The following ENTHD1 variants were observed in gnomAD, a reference collection of about 807,000 sequenced individuals.
ENTHD1 encodes the protein ENTH domain-containing protein 1.
In ENTHD1, 23 loss-of-function variants were observed where a neutral mutation model predicts 39.1. That is an observed-to-expected ratio of 0.59 (90% CI 0.42 to 0.83). The LOEUF is 0.83. ENTHD1 is among the 40% of genes least tolerant of loss of function. The pLI is 0.00. For missense variants in ENTHD1, 624 were observed against 705.4 expected (o/e 0.88, Z 1.31); for synonymous variants, 230 against 258.2 (o/e 0.89, Z 1.05).
chr22:39,805,376 A>G (rs961040939), intron 5 of ENTHD1, among the ~76,000 whole-genome samples: 18 of 152,140 alleles, frequency 1.2e-4, no homozygotes, highest in Admixed American at 1.0e-3. Flanking sequence ...ACTATGTGAG[A>G]TGTGTGAGAG....
At chr22:39,829,647 C>T (rs921493607) in intron 4 of ENTHD1, among the ~76,000 whole-genome samples, 5 of 151,726 alleles carry the variant, frequency 3.3e-5, no homozygotes, top group African/African-American at 4.8e-5. Context: ...AAAAATTAGC[C>T]GGGCATGGTG....
At chr22:39,793,174 CTGA>C (rs1010150411) in intron 5 of ENTHD1, among the ~76,000 whole-genome samples, 10 of 152,006 alleles carry the variant, frequency 6.6e-5, no homozygotes, top group Admixed American at 2.6e-4. Flanking sequence ...TTGCATTTCC[CTGA>C]TGACAATGAT....
chr22:39,844,924 G>T (rs2065974748), intron 3 of ENTHD1, among the ~76,000 whole-genome samples: 2 of 152,086 alleles, frequency 1.3e-5, no homozygotes, highest in South Asian at 4.2e-4. Context: ...AAGCTTGAAG[G>T]CATCTCTCCC....
intron 5 of ENTHD1, among the ~76,000 whole-genome samples, chr22:39,811,146 T>C (rs1157669907): frequency 6.6e-6 from 1 of 152,244 alleles, no homozygotes; most frequent in Non-Finnish European, 1.5e-5. Context: ...CTGGAGCATG[T>C]CAGGATATCC....
chr22:39,777,301 G>T (rs1306646930), intron 5 of ENTHD1, among the ~76,000 whole-genome samples: 1 of 152,120 alleles, frequency 6.6e-6, no homozygotes, highest in East Asian at 1.9e-4. Flanking sequence ...TAACATGCTT[G>T]ACATGAAAAT....
chr22:39,802,807 C>G (rs2065609421), intron 5 of ENTHD1, among the ~76,000 whole-genome samples: 1 of 152,222 alleles, frequency 6.6e-6, no homozygotes, highest in Admixed American at 6.5e-5. Flanking sequence ...CCATCACACA[C>G]TCACTTCTCA....
intron 2 of ENTHD1, among the ~76,000 whole-genome samples, chr22:39,866,269 C>T (rs1014977380): frequency 6.6e-6 from 1 of 152,058 alleles, no homozygotes; most frequent in Non-Finnish European, 1.5e-5. Flanking sequence ...AGATCAAGGC[C>T]CAAGGACATT....
intron 2 of ENTHD1, among the ~76,000 whole-genome samples, chr22:39,878,907 CA>C (rs1195044924): frequency 6.6e-6 from 1 of 151,746 alleles, no homozygotes; most frequent in Non-Finnish European, 1.5e-5. Flanking sequence ...AAGAAGAAAT[CA>C]GAATTATTTT....
chr22:39,823,170 A>G (rs183273398), intron 4 of ENTHD1, among the ~76,000 whole-genome samples: 2 of 152,290 alleles, frequency 1.3e-5, no homozygotes, highest in East Asian at 3.9e-4. Context: ...CATAATTCCT[A>G]GAGATTCATC....
chr22:39,841,285 G>T (rs1276056083), intron 3 of ENTHD1, among the ~76,000 whole-genome samples: 1 of 152,078 alleles, frequency 6.6e-6, no homozygotes, highest in East Asian at 1.9e-4. Flanking sequence ...ATTGTAGGTT[G>T]GGTTCCCTAG....
chr22:39,778,967 T>C (rs779761021), intron 5 of ENTHD1, among the ~76,000 whole-genome samples: 6 of 152,252 alleles, frequency 3.9e-5, no homozygotes, highest in Middle Eastern at 6.8e-3. Flanking sequence ...TAACTACAGA[T>C]ATACTTAATG....
At chr22:39,796,458 T>C (rs2065550609) in intron 5 of ENTHD1, among the ~76,000 whole-genome samples, 1 of 151,846 alleles carries the variant, frequency 6.6e-6, no homozygotes, top group Non-Finnish European at 1.5e-5. Context: ...ATGGTGGAGG[T>C]GGGGTCTCAC....
chr22:39,820,985 C>A lies in ENTHD1; in HGVS notation c.832+8G>T, dbSNP rs374855607. ...ATAAGTAAACTTCCTATTCCTTAAC[C>A]AATTTACCTGCACCCGAAAGATTAC... On this transcript the variant is annotated splice_region_variant and intron_variant, in intron 5 of 6. Coordinates refer to ENST00000325157, the MANE Select transcript of ENTHD1 (RefSeq NM_152512.4). 6.8e-6 allele frequency: 11 copies of A among 1,613,594 alleles called. No individual in the cohort carries two copies. The African/African-American group carries it at 1.5e-4, about 22-fold the overall frequency.
Position 39,744,274 on chromosome 22 carries a change from G to A in ENTHD1, c.1229C>T (p.Ala410Val). 6.3e-7 allele frequency: 1 copy of A among 1,593,842 alleles called. No individual in the cohort carries two copies. The highest frequency in any genetic ancestry group is 8.5e-7 in the Non-Finnish European group (1 of 1,172,200). The change falls in exon 7 of 7, where the codon GCT (alanine) becomes GTT (valine). Residue 410 changes from alanine to valine, a missense_variant. Transcript: ENST00000325157. ...ILKTTTRVST[A>V]SEGASSFSPL... ...AGAAAAGGAAGATGCTCCCTCAGAA[G>A]CAGTTGAAACTAAAATGTGTAAATG...
intron 3 of ENTHD1, among the ~76,000 whole-genome samples, chr22:39,855,225 T>C (rs2066075296): frequency 1.3e-5 from 2 of 152,214 alleles, no homozygotes; most frequent in African/African-American, 4.8e-5. Context: ...AAGCTAAACA[T>C]TCCTTCTGTT....
intron 6 of ENTHD1, among the ~76,000 whole-genome samples, chr22:39,748,047 G>A (rs533053950): frequency 2.2e-4 from 34 of 152,200 alleles, no homozygotes; most frequent in African/African-American, 7.5e-4. Flanking sequence ...CCAGGAATTT[G>A]AGAACAGCCT....
intron 5 of ENTHD1, among the ~76,000 whole-genome samples, chr22:39,788,044 G>A (rs1601594370): frequency 6.6e-6 from 1 of 152,158 alleles, no homozygotes; most frequent in African/African-American, 2.4e-5. Context: ...TGATGGAGAT[G>A]TACAAGGAGA....
At chr22:39,844,528 T>C (rs10427900) in intron 3 of ENTHD1, among the ~76,000 whole-genome samples, 11,445 of 152,096 alleles carry the variant, frequency 0.075, 480 homozygotes, top group South Asian at 0.13. Flanking sequence ...AAAATGAAAC[T>C]GCAACACAGA....
At chr22:39,760,885 G>C (rs2065227987) in intron 6 of ENTHD1, among the ~76,000 whole-genome samples, 1 of 151,868 alleles carries the variant, frequency 6.6e-6, no homozygotes. Flanking sequence ...ATAATTCCAT[G>C]AACTTTCCAT....
Sources: allele counts gnomAD v4.1 joint callset (sites outside exome capture counted in the v4.1 genomes callset), GRCh38; gene constraint gnomAD v4.1.1; transcripts MANE v1.5; gene names NCBI Gene and HGNC (gene_info 2026-07-23, HGNC 2026-07-21).